MYH15: variants seen among roughly 807,000 people sequenced by gnomAD.
MYH15 encodes the protein myosin heavy chain 15, also known as myosin-15.
Under a neutral mutation model 240.5 loss-of-function variants are expected in MYH15, and 227 were observed. That is an observed-to-expected ratio of 0.94 (90% CI 0.85 to 1.05). MYH15 has a LOEUF of 1.05. Among genes scored for constraint, MYH15 ranks in the 50% least tolerant of loss-of-function variants. The probability of loss-of-function intolerance (pLI) is 0.00; values close to 1 mark genes in which losing one functional copy is unlikely to be tolerated. For missense variants in MYH15, 2,217 were observed against 2,247.5 expected, an observed-to-expected ratio of 0.99 and a Z score of 0.27; for synonymous variants, 785 against 796.7, an observed-to-expected ratio of 0.99 and a Z score of 0.25.
chr3:108,547,967 G>A, the MYH15 span, among the ~76,000 whole-genome samples: 4 of 152,122 alleles, frequency 2.6e-5, no homozygotes, highest in African/African-American at 7.2e-5. Context: ...CATGCAAAGA[G>A]GTGAACATAC....
chr3:108,533,951 G>T (rs2083729148), upstream of MYH15, among the ~76,000 whole-genome samples: 2 of 152,170 alleles, frequency 1.3e-5, no homozygotes, highest in African/African-American at 4.8e-5. Context: ...TATAGATGAA[G>T]GGAAACAATG....
At chr3:108,487,293 G>A (rs960014793) in intron 9 of MYH15, among the ~76,000 whole-genome samples, 2 of 152,084 alleles carry the variant, frequency 1.3e-5, no homozygotes, top group Non-Finnish European at 2.9e-5. Context: ...AGTGAAAATC[G>A]GTTATCTTGA....
At chr3:108,421,294 T>C in intron 27 of MYH15, 80 bp from the exon 28 acceptor site, 8 of 1,517,452 alleles carry the variant, frequency 5.3e-6, no homozygotes, top group Non-Finnish European at 7.2e-6. Flanking sequence ...AGGGGAGGAG[T>C]GGCTCCAGGG....
chr3:108,395,308 A>G (rs998148682), intron 35 of MYH15, among the ~76,000 whole-genome samples: 3 of 152,164 alleles, frequency 2.0e-5, no homozygotes, highest in Non-Finnish European at 4.4e-5. Flanking sequence ...TTCCAGCATC[A>G]CTGGTTCTAT....
At chr3:108,405,518 C>T (rs1282858786) in intron 32 of MYH15, 65 bp from the exon 33 acceptor site, 1 of 1,050,160 alleles carries the variant, frequency 9.5e-7, no homozygotes, top group African/African-American at 1.6e-5. Flanking sequence ...ATTTTTTACC[C>T]AAAACATATG....
chr3:108,503,780 C>T (rs1277462532), intron 2 of MYH15, among the ~76,000 whole-genome samples: 5 of 152,222 alleles, frequency 3.3e-5, no homozygotes, highest in South Asian at 2.1e-4. Flanking sequence ...ACTATATGAT[C>T]CAGCAATACA....
chr3:108,514,759 T>C (rs1013748503), upstream of MYH15, among the ~76,000 whole-genome samples: 1 of 152,134 alleles, frequency 6.6e-6, no homozygotes, highest in Admixed American at 6.5e-5. Context: ...GAATGGAAAC[T>C]GTAGGCAGAG....
intron 32 of MYH15, 100 bp downstream of exon 32, chr3:108,408,180 A>T: frequency 7.4e-7 from 1 of 1,353,406 alleles, no homozygotes. Flanking sequence ...GTAAATAAAC[A>T]TTTGAATACG....
At chr3:108,516,009 A>C (rs1429607934) in intron 1 of MYH15, among the ~76,000 whole-genome samples, 2 of 152,180 alleles carry the variant, frequency 1.3e-5, no homozygotes, top group African/African-American at 4.8e-5. Flanking sequence ...ATCTCTTTCA[A>C]TCAGAGCTAG....
chr3:108,437,308 C>T (rs2082847091), intron 25 of MYH15, among the ~76,000 whole-genome samples: 1 of 151,436 alleles, frequency 6.6e-6, no homozygotes, highest in African/African-American at 2.4e-5. Context: ...ATATACCTTA[C>T]ACCATTCTTT....
At position 108,413,703 on chromosome 3, in the gene MYH15, G is replaced by A. The variant is rs146614482; in HGVS notation, c.4145+529C>T. Among the ~76,000 whole-genome samples, 49 of 152,226 alleles carry A rather than the reference G, an allele frequency of 3.2e-4. No homozygotes were observed. In the East Asian group the frequency reaches 8.1e-3, roughly 25 times the overall value. ...AAATTGATATTCTAATCTTAGGGGT[G>A]GCCTGGGGATGATTTCTTTTCAAAG... On this transcript the variant is annotated intron_variant, in intron 30 of 40. Coordinates refer to ENST00000693548, the MANE Select transcript of MYH15 (RefSeq NM_014981.3).
chr3:108,433,718 A>G (rs2082801132), intron 25 of MYH15, among the ~76,000 whole-genome samples: 1 of 152,174 alleles, frequency 6.6e-6, no homozygotes, highest in Non-Finnish European at 1.5e-5. Context: ...GCCGCCATCC[A>G]TATAAGATGT....
upstream of MYH15, among the ~76,000 whole-genome samples, chr3:108,514,304 G>C (rs1383378007): frequency 2.6e-5 from 4 of 152,158 alleles, no homozygotes; most frequent in Non-Finnish European, 5.9e-5. Context: ...TGTAGTGCCT[G>C]TAGTTCTTTT....
intron 14 of MYH15, among the ~76,000 whole-genome samples, chr3:108,465,820 G>A (rs35463621): frequency 0.081 from 12,269 of 152,024 alleles, 547 homozygotes; most frequent in Middle Eastern, 0.1. Flanking sequence ...CCAGCTACCC[G>A]GGAGGCTGAG....
At chr3:108,499,262 A>G (rs1291305971) in intron 5 of MYH15, among the ~76,000 whole-genome samples, 193 bp downstream of exon 5, 1 of 152,200 alleles carries the variant, frequency 6.6e-6, no homozygotes, top group African/African-American at 2.4e-5. Flanking sequence ...AGCTGACCCC[A>G]TATTTGGAGT....
At chr3:108,456,468 A>G (rs1423440412) in intron 19 of MYH15, among the ~76,000 whole-genome samples, 1 of 152,164 alleles carries the variant, frequency 6.6e-6, no homozygotes. Context: ...TTAAGTATAC[A>G]CAACATTTCA....
chr3:108,439,170 T>C (rs1429907257), intron 24 of MYH15, among the ~76,000 whole-genome samples: 3 of 152,160 alleles, frequency 2.0e-5, no homozygotes, highest in Admixed American at 6.5e-5. Context: ...GGAAGAATTA[T>C]GAACCCACAC....
chr3:108,522,045 G>A (rs2083622945), intron 1 of MYH15, among the ~76,000 whole-genome samples: 1 of 152,154 alleles, frequency 6.6e-6, no homozygotes, highest in South Asian at 2.1e-4. Context: ...TTTAAGAGGG[G>A]TTTAGTTTGA....
chr3:108,518,619 C>T (rs1215011713), intron 1 of MYH15, among the ~76,000 whole-genome samples: 2 of 152,228 alleles, frequency 1.3e-5, no homozygotes, highest in African/African-American at 4.8e-5. Flanking sequence ...CTCTTGCTGT[C>T]TCATCCCCAG....
Sources: gnomAD v4.1 joint callset for allele counts (sites outside exome capture counted in the v4.1 genomes callset) on GRCh38, gnomAD v4.1.1 for gene constraint, MANE v1.5 for transcripts, NCBI Gene and HGNC (gene_info 2026-07-23, HGNC 2026-07-21) for gene names.